PITPNC1: variants seen among roughly 807,000 people sequenced by gnomAD.
The protein encoded by PITPNC1 is cytoplasmic phosphatidylinositol transfer protein 1.
Under a neutral mutation model 44.7 loss-of-function variants are expected in PITPNC1, and 18 were observed. The observed-to-expected ratio is 0.40, with a 90% CI of 0.28 to 0.60. PITPNC1 has a LOEUF of 0.60. PITPNC1 is among the 20% of genes least tolerant of loss of function. The pLI is 0.39. For synonymous variants in PITPNC1, 141 were observed against 149.6 expected (o/e 0.94, Z 0.42); for missense variants, 290 against 418.4 (o/e 0.69, Z 2.68).
At chr17:67,539,322 A>G (rs1402596833) in intron 2 of PITPNC1, among the ~76,000 whole-genome samples, 1 of 152,236 alleles carries the variant, frequency 6.6e-6, no homozygotes, top group Non-Finnish European at 1.5e-5. Flanking sequence ...GTAGAGCCCT[A>G]GAAAAATTCT....
intron 1 of PITPNC1, among the ~76,000 whole-genome samples, chr17:67,419,179 A>G (rs1403659558): frequency 2.0e-5 from 3 of 152,222 alleles, no homozygotes; most frequent in African/African-American, 7.2e-5. Context: ...GGAGAAAAAA[A>G]AAAATGAGAA....
chr17:67,520,003 C>T (rs962255514), intron 1 of PITPNC1, among the ~76,000 whole-genome samples: 2 of 152,214 alleles, frequency 1.3e-5, no homozygotes, highest in South Asian at 4.1e-4. Context: ...GCAGCAAGTG[C>T]TTCTCTTTGC....
chr17:67,395,089 C>T (rs1216000621), intron 1 of PITPNC1, among the ~76,000 whole-genome samples: 1 of 151,768 alleles, frequency 6.6e-6, no homozygotes, highest in African/African-American at 2.4e-5. Flanking sequence ...TGGTAATTAG[C>T]AACTAAAGTA....
chr17:67,513,402 T>TATCTAC (rs963150164), intron 1 of PITPNC1, among the ~76,000 whole-genome samples: 2 of 94,558 alleles, frequency 2.1e-5, no homozygotes, highest in African/African-American at 7.1e-5. Flanking sequence ...TCTATATCTA[T>TATCTAC]ATCTACATCT....
rs972026063 is a variant in PITPNC1, at chr17:67,438,797, A to ACTGCTG, written c.48+60599_48+60604dup. Among the ~76,000 whole-genome samples the ACTGCTG allele has an allele frequency of 3.3e-5, 5 of 152,368 alleles. No homozygotes were observed. The East Asian group carries it at 7.7e-4, about 23-fold the overall frequency. ...CTCTGCCCCAGCAACAAAAAGCAGT[A>ACTGCTG]CTGCTGCTGACTTACGGCTACTATT... On this transcript the variant is annotated intron_variant, in intron 1 of 8. Transcript: ENST00000581322.
intron 1 of PITPNC1, among the ~76,000 whole-genome samples, chr17:67,440,726 T>A (rs561008752): frequency 9.4e-4 from 143 of 151,468 alleles, no homozygotes; most frequent in Middle Eastern, 3.4e-3. Flanking sequence ...AAATTTTTTT[T>A]ATAGGGATAG....
At chr17:67,666,639 A>G (rs1435101629) in intron 6 of PITPNC1, among the ~76,000 whole-genome samples, 1 of 151,886 alleles carries the variant, frequency 6.6e-6, no homozygotes, top group Non-Finnish European at 1.5e-5. Context: ...CAGAGTGGGG[A>G]ATGGTGGATG....
intron 1 of PITPNC1, among the ~76,000 whole-genome samples, chr17:67,473,522 GGGGTTTCACCGACC>G (rs1384115818): frequency 2.0e-5 from 3 of 150,504 alleles, no homozygotes; most frequent in Admixed American, 1.3e-4. Flanking sequence ...TAGTAGAGAC[GGGGTTTCACCGACC>G]TCGTGATCTG....
intron 1 of PITPNC1, among the ~76,000 whole-genome samples, chr17:67,451,928 G>A (rs1364762203): frequency 1.3e-5 from 2 of 151,906 alleles, no homozygotes; most frequent in East Asian, 2.0e-4. Flanking sequence ...GAGCCACCAC[G>A]CCTGGCCGAG....
intron 8 of PITPNC1, among the ~76,000 whole-genome samples, chr17:67,685,575 A>AT (rs745634637): frequency 5.3e-5 from 8 of 150,732 alleles, no homozygotes; most frequent in Non-Finnish European, 1.0e-4. Context: ...CACTAAGCCA[A>AT]TTAGTGGTCA....
rs1456340070 is a variant in PITPNC1 at position 67,694,007 on chromosome 17, G to A, written c.*1119G>A. On this transcript the variant is annotated 3_prime_UTR_variant, in exon 9 of 9. Transcript: ENST00000581322. ...AGACATCAAGCAACTACTGTCAAGT[G>A]GGAGGAGAGAATGAGCAGAATTGCT... 6.6e-6 allele frequency: 1 copy of A among 152,238 alleles called. No individual in the cohort carries two copies. The highest frequency in any genetic ancestry group is 1.5e-5 in the Non-Finnish European group (1 of 68,040). The allele number at this position is 152,238 out of a possible 1,614,324, so 9.4% of individuals were successfully genotyped here. A position where few individuals can be genotyped will look rare whatever the true frequency, so the allele number is the denominator to read the frequency against.
intron 1 of PITPNC1, among the ~76,000 whole-genome samples, chr17:67,408,072 C>T (rs931502948): frequency 1.3e-5 from 2 of 151,844 alleles, no homozygotes; most frequent in African/African-American, 4.8e-5. Context: ...TCTCCTGCCT[C>T]AGCCTCCCAG....
chr17:67,452,078 C>A (rs1455536297), intron 1 of PITPNC1, among the ~76,000 whole-genome samples: 1 of 151,862 alleles, frequency 6.6e-6, no homozygotes, highest in East Asian at 2.0e-4. Context: ...AATCACAGTT[C>A]ACTGCAGCCT....
At chr17:67,509,627 GT>G (rs1490516291) in intron 1 of PITPNC1, among the ~76,000 whole-genome samples, 1 of 151,950 alleles carries the variant, frequency 6.6e-6, no homozygotes, top group African/African-American at 2.4e-5. Flanking sequence ...GTTTGACTTA[GT>G]TTTTCCTCAG....
At chr17:67,605,116 TA>T (rs1283564005) in intron 5 of PITPNC1, among the ~76,000 whole-genome samples, 4 of 151,926 alleles carry the variant, frequency 2.6e-5, no homozygotes, top group Non-Finnish European at 4.4e-5. Context: ...TAAAATAAAA[TA>T]AAACAAGGCT....
chr17:67,389,441 A>T (rs1306740252), intron 1 of PITPNC1, among the ~76,000 whole-genome samples: 1 of 152,192 alleles, frequency 6.6e-6, no homozygotes, highest in Non-Finnish European at 1.5e-5. Context: ...GAAAACATCC[A>T]TTCACAGATA....
intron 1 of PITPNC1, among the ~76,000 whole-genome samples, chr17:67,494,129 G>A (rs1038384126): frequency 1.5e-5 from 2 of 132,212 alleles, no homozygotes; most frequent in African/African-American, 2.7e-5. Flanking sequence ...GTTTCTTATC[G>A]GTTGCTTTTT....
At chr17:67,667,942 T>C (rs2042449083) in intron 6 of PITPNC1, among the ~76,000 whole-genome samples, 1 of 152,148 alleles carries the variant, frequency 6.6e-6, no homozygotes, top group Admixed American at 6.5e-5. Flanking sequence ...ATCAAACCAC[T>C]GCACTCCAGC....
intron 2 of PITPNC1, among the ~76,000 whole-genome samples, chr17:67,540,182 C>T (rs2040587763): frequency 6.6e-6 from 1 of 151,996 alleles, no homozygotes. Flanking sequence ...TGGCTCATTG[C>T]AATCTCTGCC....
Sources: allele counts gnomAD v4.1 joint callset (sites outside exome capture counted in the v4.1 genomes callset), GRCh38; gene constraint gnomAD v4.1.1; transcripts MANE v1.5; gene names NCBI Gene and HGNC (gene_info 2026-07-23, HGNC 2026-07-21).